Variants in CALN1 observed in about 807,000 individuals in gnomAD.
CALN1 encodes calcium-binding protein 8.
In CALN1, 17 loss-of-function variants were observed where a neutral mutation model predicts 30.6. That is an observed-to-expected ratio of 0.56 (90% CI 0.38 to 0.83). The LOEUF (loss-of-function observed/expected upper bound fraction) is 0.83, where lower values mean the gene tolerates loss of function less well. Ranked by LOEUF, CALN1 falls within the 40% of genes least tolerant of loss-of-function variation. The pLI, the probability that CALN1 is intolerant of heterozygous loss-of-function variation, is 0.00. For missense variants in CALN1, 291 were observed against 354.9 expected, an observed-to-expected ratio of 0.82 and a Z score of 1.45; for synonymous variants, 156 against 131.4, an observed-to-expected ratio of 1.19 and a Z score of -1.28.
At chr7:72,152,795 T>C (rs145747858) in intron 3 of CALN1, among the ~76,000 whole-genome samples, 83 of 152,292 alleles carry the variant, frequency 5.5e-4, no homozygotes, top group Non-Finnish European at 8.1e-4. Context: ...GCTACAGACT[T>C]GTTCCTCTAG....
At chr7:72,223,970 T>C (rs1006581350) in intron 3 of CALN1, among the ~76,000 whole-genome samples, 3 of 152,102 alleles carry the variant, frequency 2.0e-5, no homozygotes, top group Admixed American at 6.6e-5. Flanking sequence ...GACATGAAGA[T>C]GGGAACAACA....
chr7:72,240,994 C>T (rs901340647), intron 3 of CALN1, among the ~76,000 whole-genome samples: 7 of 152,222 alleles, frequency 4.6e-5, no homozygotes, highest in African/African-American at 1.7e-4. Flanking sequence ...GCATTACTTA[C>T]TCCCCGCATT....
intron 3 of CALN1, among the ~76,000 whole-genome samples, chr7:72,109,134 G>C (rs1357902271): frequency 6.6e-6 from 1 of 152,162 alleles, no homozygotes; most frequent in Non-Finnish European, 1.5e-5. Context: ...GGGATGATGA[G>C]TCTGAATGGG....
chr7:71,816,279 T>C (rs1484757013), intron 5 of CALN1, among the ~76,000 whole-genome samples: 2 of 152,186 alleles, frequency 1.3e-5, no homozygotes, highest in Non-Finnish European at 2.9e-5. Context: ...AAAACAAACT[T>C]GTTTTCTGCA....
the CALN1 span, among the ~76,000 whole-genome samples, chr7:72,500,366 C>T: frequency 1.4e-5 from 2 of 143,546 alleles, no homozygotes; most frequent in Non-Finnish European, 3.0e-5. Context: ...CCACAACCTC[C>T]GCCTCCCGGG....
At chr7:72,369,571 G>A (rs916259876) in intron 2 of CALN1, among the ~76,000 whole-genome samples, 7 of 151,984 alleles carry the variant, frequency 4.6e-5, no homozygotes, top group Non-Finnish European at 1.0e-4. Flanking sequence ...ATGTTGGTCA[G>A]GCTTGTCTTC....
intron 2 of CALN1, among the ~76,000 whole-genome samples, chr7:72,381,075 CAA>C (rs768985331): frequency 2.0e-5 from 3 of 152,108 alleles, no homozygotes; most frequent in Non-Finnish European, 2.9e-5. Flanking sequence ...AAAAATAAAC[CAA>C]AGTTTTGATA....
chr7:72,070,312 G>A (rs987007820), intron 4 of CALN1, among the ~76,000 whole-genome samples: 3 of 152,072 alleles, frequency 2.0e-5, no homozygotes, highest in East Asian at 1.9e-4. Flanking sequence ...CTAGGTCCTC[G>A]CTTTTACATT....
At chr7:71,979,331 A>G (rs888646707) in intron 5 of CALN1, among the ~76,000 whole-genome samples, 3 of 152,194 alleles carry the variant, frequency 2.0e-5, no homozygotes, top group African/African-American at 7.2e-5. Context: ...ACATCTCATC[A>G]TAATGTAAAA....
chr7:72,316,855 G>A (rs1446656219), intron 2 of CALN1, among the ~76,000 whole-genome samples: 3 of 151,802 alleles, frequency 2.0e-5, no homozygotes, highest in African/African-American at 7.3e-5. Flanking sequence ...TGAGGCAGGA[G>A]GATCACTTGA....
At chr7:72,084,240 T>C (rs1805337343) in intron 4 of CALN1, among the ~76,000 whole-genome samples, 1 of 151,888 alleles carries the variant, frequency 6.6e-6, no homozygotes, top group Non-Finnish European at 1.5e-5. Context: ...CAAAACAGAT[T>C]ACACTTAGAA....
intron 5 of CALN1, among the ~76,000 whole-genome samples, chr7:71,870,109 G>A (rs1302483196): frequency 2.6e-5 from 4 of 152,200 alleles, no homozygotes; most frequent in East Asian, 1.9e-4. Context: ...AGTGGCTGGC[G>A]CAGTGGCTCA....
intron 3 of CALN1, among the ~76,000 whole-genome samples, chr7:72,229,968 C>T (rs1793969089): frequency 6.6e-6 from 1 of 151,616 alleles, no homozygotes; most frequent in Non-Finnish European, 1.5e-5. Context: ...GGGTGAAACC[C>T]CGTCTCTACA....
At chr7:71,975,681 C>G (rs1425888637) in intron 5 of CALN1, among the ~76,000 whole-genome samples, 1 of 151,978 alleles carries the variant, frequency 6.6e-6, no homozygotes, top group African/African-American at 2.4e-5. Flanking sequence ...CCTCTTACCT[C>G]AGCTTCCAAA....
intron 2 of CALN1, among the ~76,000 whole-genome samples, chr7:72,296,346 C>A (rs1471778447): frequency 1.3e-4 from 18 of 137,230 alleles, no homozygotes; most frequent in Non-Finnish European, 1.8e-4. Flanking sequence ...TGTCTCTGCC[C>A]GGCTTTGGTA....
At chr7:72,214,768 G>A (rs1035008670) in intron 3 of CALN1, among the ~76,000 whole-genome samples, 2 of 151,980 alleles carry the variant, frequency 1.3e-5, no homozygotes, top group African/African-American at 2.4e-5. Context: ...CCCGCCGCTC[G>A]CATTCCCGCC....
intron 3 of CALN1, among the ~76,000 whole-genome samples, chr7:72,122,421 A>C (rs1236901133): frequency 6.6e-6 from 1 of 152,134 alleles, no homozygotes; most frequent in Non-Finnish European, 1.5e-5. Flanking sequence ...CCCTGCCCCC[A>C]GGGTCTTGAG....
chr7:72,101,931 G>A lies in CALN1; in HGVS notation c.388+4220C>T, dbSNP rs749727990. Among the ~76,000 whole-genome samples, 130 of 152,156 alleles carry A rather than the reference G, an allele frequency of 8.5e-4. 2 individuals are homozygous for A. The highest frequency in any genetic ancestry group is 2.6e-4 in the Non-Finnish European group (18 of 68,030). On this transcript the variant is annotated intron_variant, in intron 4 of 6. Coordinates refer to ENST00000395275, the MANE Select transcript of CALN1 (RefSeq NM_031468.4). ...ACAAAACAAAGAGGCCTCCTTCCTG[G>A]ACCTTTATCTAAGGCAGGATCTAGC...
intron 2 of CALN1, among the ~76,000 whole-genome samples, chr7:72,295,952 C>T (rs370905600): frequency 5.3e-5 from 8 of 151,966 alleles, no homozygotes; most frequent in East Asian, 3.9e-4. Context: ...AGTTTTCAAA[C>T]GGAATGCTTC....
Sources: allele counts gnomAD v4.1 joint callset (sites outside exome capture counted in the v4.1 genomes callset), GRCh38; gene constraint gnomAD v4.1.1; transcripts MANE v1.5; gene names NCBI Gene and HGNC (gene_info 2026-07-23, HGNC 2026-07-21).